The following GRM7 variants were observed in gnomAD, a reference collection of about 807,000 sequenced individuals.
The protein encoded by GRM7 is metabotropic glutamate receptor 7.
Under a neutral mutation model 84.5 loss-of-function variants are expected in GRM7, and 35 were observed. That is an observed-to-expected ratio of 0.41 (90% CI 0.32 to 0.55). The LOEUF (loss-of-function observed/expected upper bound fraction) is 0.55, where lower values mean the gene tolerates loss of function less well. Ranked by LOEUF, GRM7 falls within the 20% of genes least tolerant of loss-of-function variation. The pLI is 0.19. For missense variants in GRM7, 1,003 were observed against 1,194.6 expected, an observed-to-expected ratio of 0.84 and a Z score of 2.36; for synonymous variants, 487 against 455.1, an observed-to-expected ratio of 1.07 and a Z score of -0.89.
intron 1 of GRM7, among the ~76,000 whole-genome samples, chr3:6,895,899 A>T (rs1168735155): frequency 6.6e-6 from 1 of 152,026 alleles, no homozygotes; most frequent in Non-Finnish European, 1.5e-5. Context: ...TCCTCACCCA[A>T]TATGACATGA....
chr3:7,267,413 T>G (rs991097969), intron 2 of GRM7, among the ~76,000 whole-genome samples: 1 of 152,202 alleles, frequency 6.6e-6, no homozygotes, highest in Admixed American at 6.5e-5. Flanking sequence ...AATGAATTAA[T>G]GAGAAAGTTG....
chr3:7,305,192 A>T (rs779394522), intron 3 of GRM7, among the ~76,000 whole-genome samples: 2 of 151,334 alleles, frequency 1.3e-5, no homozygotes, highest in Non-Finnish European at 2.9e-5. Context: ...ACTTTTAGTC[A>T]TTCCCTCCCA....
chr3:7,539,198 C>A (rs963311858), intron 7 of GRM7, among the ~76,000 whole-genome samples: 1 of 152,138 alleles, frequency 6.6e-6, no homozygotes, highest in African/African-American at 2.4e-5. Flanking sequence ...GCTGGGTGGG[C>A]TATACCACTC....
intron 2 of GRM7, among the ~76,000 whole-genome samples, chr3:7,182,244 G>T (rs1464367003): frequency 1.3e-5 from 2 of 151,976 alleles, no homozygotes; most frequent in African/African-American, 4.8e-5. Context: ...TAAAATAAAA[G>T]AGTATCCTAA....
intron 2 of GRM7, among the ~76,000 whole-genome samples, chr3:7,240,956 G>C (rs1697537072): frequency 6.6e-6 from 1 of 152,130 alleles, no homozygotes; most frequent in African/African-American, 2.4e-5. Flanking sequence ...TGTAGCCTAG[G>C]AGCAATAGGC....
intron 4 of GRM7, among the ~76,000 whole-genome samples, chr3:7,331,306 G>A (rs900614996): frequency 6.6e-6 from 1 of 152,180 alleles, no homozygotes; most frequent in African/African-American, 2.4e-5. Flanking sequence ...GATCAAAAGA[G>A]TGTCATGATG....
At chr3:7,130,726 T>C (rs148492110) in intron 1 of GRM7, among the ~76,000 whole-genome samples, 2 of 151,994 alleles carry the variant, frequency 1.3e-5, no homozygotes, top group African/African-American at 4.8e-5. Flanking sequence ...TGCAATTACA[T>C]GCAAAAAAGT....
chr3:6,911,037 G>A lies in GRM7; in HGVS notation c.519+49130G>A, dbSNP rs115936497. Among the ~76,000 whole-genome samples, 1,157 of 152,178 alleles carry A rather than the reference G, an allele frequency of 7.6e-3. 17 individuals are homozygous for A. Among genetic ancestry groups the A allele is most frequent in the African/African-American group, 0.026 (1,083 of 41,536 alleles). On this transcript the variant is annotated intron_variant, in intron 1 of 9. Coordinates refer to ENST00000357716, the MANE Select transcript of GRM7 (RefSeq NM_000844.4). ...GGGCCCTGGTTGATTTCTAGTATTTGGTATCAAGACATGAGCAATTAACTT... is the reference window on the plus strand; with the variant it reads ...GGGCCCTGGTTGATTTCTAGTATTTAGTATCAAGACATGAGCAATTAACTT...
At chr3:7,449,801 A>C (rs1697692028) in intron 5 of GRM7, among the ~76,000 whole-genome samples, 1 of 152,150 alleles carries the variant, frequency 6.6e-6, no homozygotes, top group African/African-American at 2.4e-5. Flanking sequence ...ATTGCATAAC[A>C]AAATACGTTC....
chr3:7,681,570 A>T (rs1700369499), intron 9 of GRM7: 1 of 152,244 alleles, frequency 6.6e-6, no homozygotes, highest in African/African-American at 2.4e-5. Flanking sequence ...ACTTTGTGAC[A>T]GAAGTCCTAG....
intron 4 of GRM7, among the ~76,000 whole-genome samples, chr3:7,413,090 G>T (rs1402505660): frequency 1.3e-5 from 2 of 151,986 alleles, no homozygotes; most frequent in Non-Finnish European, 2.9e-5. Flanking sequence ...TGTATGTCTT[G>T]TATTGGACAG....
intron 1 of GRM7, among the ~76,000 whole-genome samples, chr3:6,879,528 T>C (rs1695432307): frequency 6.6e-6 from 1 of 152,224 alleles, no homozygotes. Flanking sequence ...CAGCCCAGGC[T>C]TTCTGGAGGA....
rs532489651 is a variant in GRM7 at position 6,983,938 on chromosome 3, A to G, written c.519+122031A>G. 1.8e-4 allele frequency among the ~76,000 whole-genome samples: 28 copies of G among 152,304 alleles called. No individual in the cohort carries two copies. In the South Asian group the frequency reaches 5.2e-3, roughly 28 times the overall value. ...ATGTATCTGTGGTTTTAAGCCACAAAACAATCAAAATAACCCTCCATGTGG... is the reference window on the plus strand; with the variant it reads ...ATGTATCTGTGGTTTTAAGCCACAAGACAATCAAAATAACCCTCCATGTGG... On this transcript the variant is annotated intron_variant, in intron 1 of 9. Transcript: ENST00000357716.
At chr3:7,384,785 C>G (rs1694721620) in intron 4 of GRM7, among the ~76,000 whole-genome samples, 1 of 152,140 alleles carries the variant, frequency 6.6e-6, no homozygotes, top group East Asian at 1.9e-4. Context: ...TTAGCTCTAC[C>G]TGGCTACAGA....
chr3:7,294,776 A>G (rs568081724), intron 2 of GRM7, among the ~76,000 whole-genome samples: 39 of 152,272 alleles, frequency 2.6e-4, no homozygotes, highest in Admixed American at 2.1e-3. Flanking sequence ...CAGGCTTTAC[A>G]CAAACTGACT....
chr3:6,902,539 C>A (rs1269603951), intron 1 of GRM7, among the ~76,000 whole-genome samples: 1 of 152,094 alleles, frequency 6.6e-6, no homozygotes, highest in Non-Finnish European at 1.5e-5. Context: ...TTGCCCCAGA[C>A]ACCTGAATAA....
At chr3:7,129,864 C>A (rs1316946728) in intron 1 of GRM7, among the ~76,000 whole-genome samples, 1 of 152,112 alleles carries the variant, frequency 6.6e-6, no homozygotes, top group Non-Finnish European at 1.5e-5. Flanking sequence ...TTTTTGCAAG[C>A]AAACCGGTAA....
intron 1 of GRM7, among the ~76,000 whole-genome samples, chr3:6,958,488 T>C (rs1693158991): frequency 6.6e-6 from 1 of 152,202 alleles, no homozygotes; most frequent in East Asian, 1.9e-4. Context: ...TTGCAAATAT[T>C]TGTCTACAAG....
chr3:7,535,665 G>T (rs962014914), intron 7 of GRM7, among the ~76,000 whole-genome samples: 2 of 152,174 alleles, frequency 1.3e-5, no homozygotes, highest in Non-Finnish European at 2.9e-5. Context: ...TGAAGAGCTG[G>T]ACTCTTTACT....
Sources: allele counts gnomAD v4.1 joint callset (sites outside exome capture counted in the v4.1 genomes callset), GRCh38; gene constraint gnomAD v4.1.1; transcripts MANE v1.5; gene names NCBI Gene and HGNC (gene_info 2026-07-23, HGNC 2026-07-21).